The following TRPM3 variants were observed in gnomAD, a reference collection of about 807,000 sequenced individuals.
The protein encoded by TRPM3 is transient receptor potential cation channel subfamily M member 3, also known as long transient receptor potential channel 3.
Under a neutral mutation model 181.2 loss-of-function variants are expected in TRPM3, and 77 were observed. That is an observed-to-expected ratio of 0.42 (90% CI 0.35 to 0.51). The LOEUF (loss-of-function observed/expected upper bound fraction) is 0.51, where lower values mean the gene tolerates loss of function less well. Among genes scored for constraint, TRPM3 ranks in the 20% least tolerant of loss-of-function variants. TRPM3 has a pLI of 0.01. For missense variants in TRPM3, 1,759 were observed against 2,196.7 expected, an observed-to-expected ratio of 0.80 and a Z score of 3.98; for synonymous variants, 745 against 796.4, an observed-to-expected ratio of 0.94 and a Z score of 1.09.
At chr9:70,851,903 A>C (rs1386766710) in intron 3 of TRPM3, among the ~76,000 whole-genome samples, 1 of 152,066 alleles carries the variant, frequency 6.6e-6, no homozygotes, top group Non-Finnish European at 1.5e-5. Context: ...GGATTACCTG[A>C]GGTCAGGAGT....
intron 8 of TRPM3, among the ~76,000 whole-genome samples, chr9:70,748,054 A>G (rs574288852): frequency 3.5e-4 from 53 of 152,316 alleles, no homozygotes; most frequent in Non-Finnish European, 4.3e-4. Context: ...AGGATCTAAC[A>G]ATGGAAAAAG....
intron 1 of TRPM3, among the ~76,000 whole-genome samples, chr9:70,999,875 G>C (rs568903087): frequency 6.6e-6 from 1 of 152,198 alleles, no homozygotes; most frequent in African/African-American, 2.4e-5. Flanking sequence ...TCCACAGTGT[G>C]TTTAGCAGAA....
intron 1 of TRPM3, among the ~76,000 whole-genome samples, chr9:71,109,490 A>G (rs1268406901): frequency 6.6e-6 from 1 of 152,196 alleles, no homozygotes; most frequent in Admixed American, 6.5e-5. Flanking sequence ...CTGCATACCA[A>G]CTATACGCAA....
intron 1 of TRPM3, among the ~76,000 whole-genome samples, chr9:70,951,355 TTTTTGA>T (rs1334750928): frequency 6.6e-6 from 1 of 152,172 alleles, no homozygotes; most frequent in Non-Finnish European, 1.5e-5. Flanking sequence ...TTTGTTTTTG[TTTTTGA>T]GATGAAGTAT....
chr9:70,906,030 T>C (rs1564731296), intron 1 of TRPM3, among the ~76,000 whole-genome samples: 1 of 152,214 alleles, frequency 6.6e-6, no homozygotes, highest in African/African-American at 2.4e-5. Flanking sequence ...CAGAGATTCA[T>C]TTCTTGTTTG....
chr9:70,673,208 T>C (rs755744241), intron 9 of TRPM3, among the ~76,000 whole-genome samples: 3 of 151,588 alleles, frequency 2.0e-5, no homozygotes, highest in Non-Finnish European at 4.4e-5. Flanking sequence ...GGTTTTGGGA[T>C]GAGGTAGTAA....
intron 1 of TRPM3, among the ~76,000 whole-genome samples, chr9:71,274,412 T>C (rs2062864): frequency 0.53 from 81,133 of 151,992 alleles, 21,861 homozygotes; most frequent in African/African-American, 0.62. Context: ...CTTTCCATAA[T>C]TTACACATAC....
intron 9 of TRPM3, among the ~76,000 whole-genome samples, chr9:70,679,141 G>A (rs993710270): frequency 5.3e-5 from 8 of 151,996 alleles, no homozygotes; most frequent in African/African-American, 1.2e-4. Flanking sequence ...TCAATTTAGT[G>A]GGATATAATC....
intron 1 of TRPM3, among the ~76,000 whole-genome samples, chr9:71,235,415 A>G (rs1039946962): frequency 1.3e-5 from 2 of 152,336 alleles, no homozygotes; most frequent in South Asian, 4.1e-4. Context: ...GCCCATGATC[A>G]TGGAGACTTT....
intron 20 of TRPM3, among the ~76,000 whole-genome samples, chr9:70,602,394 T>C (rs981438595): frequency 6.6e-6 from 1 of 152,086 alleles, no homozygotes; most frequent in Non-Finnish European, 1.5e-5. Flanking sequence ...TTTGTAGGAG[T>C]CCTTTTTTCC....
intron 1 of TRPM3, among the ~76,000 whole-genome samples, chr9:70,955,679 C>A (rs982426152): frequency 1.3e-5 from 2 of 152,138 alleles, no homozygotes; most frequent in African/African-American, 4.8e-5. Flanking sequence ...GATAGTATTA[C>A]ATTAGCTCTC....
intron 8 of TRPM3, among the ~76,000 whole-genome samples, chr9:70,690,043 T>C (rs938491699): frequency 2.6e-5 from 4 of 152,100 alleles, no homozygotes; most frequent in Non-Finnish European, 5.9e-5. Context: ...CGGTGAGCAA[T>C]GAATCCATGA....
Position 70,535,640 on chromosome 9 carries a change from C to T in TRPM3, c.*313G>A. On this transcript the variant is annotated 3_prime_UTR_variant, in exon 26 of 26. Coordinates refer to ENST00000677713, the MANE Select transcript of TRPM3 (RefSeq NM_001366145.2). ...AGCGTGCTCGAAGCCCCTTGTTTCC[C>T]CTGCTCTCATGGCTTTCTGCTGTGA... 2 of 1,449,666 alleles carry T rather than the reference C, an allele frequency of 1.4e-6. No individual in the cohort carries two copies. Among genetic ancestry groups the T allele is most frequent in the South Asian group, 1.5e-5 (1 of 67,804 alleles). 89.8% of individuals were successfully genotyped at this position (1,449,666 alleles called of 1,614,324 possible).
At chr9:71,338,398 T>C (rs2090722395) in intron 1 of TRPM3, among the ~76,000 whole-genome samples, 1 of 152,126 alleles carries the variant, frequency 6.6e-6, no homozygotes, top group Admixed American at 6.6e-5. Context: ...GTGTCATACG[T>C]AGTATGTCCA....
intron 1 of TRPM3, among the ~76,000 whole-genome samples, chr9:71,243,604 G>A (rs1006945014): frequency 2.0e-5 from 3 of 152,146 alleles, no homozygotes; most frequent in East Asian, 1.9e-4. Context: ...CTTATGCATT[G>A]TAAGTACTCA....
rs11380206 is a variant in TRPM3 at position 70,636,692 on chromosome 9, CT to C, written c.1582-1432del. On this transcript the variant is annotated intron_variant, in intron 11 of 25. Coordinates refer to ENST00000677713, the MANE Select transcript of TRPM3 (RefSeq NM_001366145.2). ...ATTAGATAATCTAAAATAGTGATGG[CT>C]TTTTTTTTTTTTTTTAGTTAGTCTC... 1.6e-3 allele frequency among the ~76,000 whole-genome samples: 220 copies of C among 135,114 alleles called. 1 individual carries two copies. Among genetic ancestry groups the C allele is most frequent in the African/African-American group, 4.9e-3 (178 of 36,556 alleles). The allele number at this position is 135,114 out of a possible 152,430, so 88.6% of individuals were successfully genotyped here.
At chr9:70,547,128 A>G (rs973266356) in intron 25 of TRPM3, among the ~76,000 whole-genome samples, 1 of 152,204 alleles carries the variant, frequency 6.6e-6, no homozygotes, top group African/African-American at 2.4e-5. Flanking sequence ...TAAGTCTTTT[A>G]GTAGGACAAA....
intron 1 of TRPM3, among the ~76,000 whole-genome samples, chr9:71,263,071 G>T (rs2083170485): frequency 6.6e-6 from 1 of 152,082 alleles, no homozygotes; most frequent in African/African-American, 2.4e-5. Flanking sequence ...AAGGCAAATT[G>T]GAAAAACTAA....
In TRPM3 at chr9:71,445,748, C is replaced by T. The variant is rs182995675; in HGVS notation, c.183+905G>A. Among the ~76,000 whole-genome samples, 31 of 152,262 alleles carry T rather than the reference C, an allele frequency of 2.0e-4. No homozygotes were observed. In the East Asian group the frequency reaches 5.6e-3, roughly 27 times the overall value. On this transcript the variant is annotated intron_variant, in intron 1 of 24. Coordinates refer to the TRPM3 transcript ENST00000357533. ...AAATCAAAGTCTCTTCAATATACAA[C>T]ATCTGCTGTCAAGCCCTTTGGATGT...
Sources: allele counts gnomAD v4.1 joint callset (sites outside exome capture counted in the v4.1 genomes callset), GRCh38; gene constraint gnomAD v4.1.1; transcripts MANE v1.5; gene names NCBI Gene and HGNC (gene_info 2026-07-23, HGNC 2026-07-21).